The following IQGAP2 variants were observed in gnomAD, a reference collection of about 807,000 sequenced individuals.
IQGAP2 encodes IQ motif containing GTPase activating protein 2, also known as ras GTPase-activating-like protein IQGAP2.
In IQGAP2, 173 loss-of-function variants were observed where a neutral mutation model predicts 201.3. The ratio of observed to expected loss-of-function variants is 0.86; its 90% CI spans 0.76 to 0.98. IQGAP2 has a LOEUF of 0.98. Among genes scored for constraint, IQGAP2 ranks in the 50% least tolerant of loss-of-function variants. The pLI is 0.00. For missense variants in IQGAP2, 1,687 were observed against 1,864.8 expected (o/e 0.90, Z 1.76); for synonymous variants, 675 against 673.9 (o/e 1.00, Z -0.03).
At chr5:76,611,295 C>A in intron 13 of IQGAP2, 112 bp downstream of exon 13, 1 of 713,084 alleles carries the variant, frequency 1.4e-6, no homozygotes, top group Non-Finnish European at 2.3e-6. Context: ...CTTGTCCCAA[C>A]AATTACCCAT....
At chr5:76,408,093 A>G (rs555477923) in intron 1 of IQGAP2, among the ~76,000 whole-genome samples, 3 of 152,278 alleles carry the variant, frequency 2.0e-5, no homozygotes, top group African/African-American at 4.8e-5. Flanking sequence ...CCCGGGAGGC[A>G]GAGGTTGCAA....
chr5:76,596,093 A>G (rs989943390), intron 9 of IQGAP2, among the ~76,000 whole-genome samples: 3 of 152,210 alleles, frequency 2.0e-5, no homozygotes, highest in Admixed American at 1.3e-4. Context: ...TCCATTAATC[A>G]TAAGTATTTC....
chr5:76,703,431 C>T (rs886415210), intron 35 of IQGAP2, among the ~76,000 whole-genome samples: 4 of 152,152 alleles, frequency 2.6e-5, no homozygotes, highest in African/African-American at 9.7e-5. Context: ...GCTGGGATTA[C>T]AGGCATTAGC....
rs10603126 is a variant in IQGAP2, at chr5:76,614,605, C to CTTTTTTTTT, written c.1521+3441_1521+3449dup. Among the ~76,000 whole-genome samples, 18 of 59,610 alleles carry CTTTTTTTTT rather than the reference C, an allele frequency of 3.0e-4. 5 individuals carry two copies. The highest frequency in any genetic ancestry group is 9.3e-4 in the South Asian group (1 of 1,074). 39.1% of individuals were successfully genotyped at this position (59,610 alleles called of 152,430 possible). ...TTAATGTCTTTGTTTTTCCCCTCTG[C>CTTTTTTTTT]TTTTTTTTTTTTTTTTTTTTTTTTT... On this transcript the variant is annotated intron_variant, in intron 13 of 35. Transcript: ENST00000274364.
chr5:76,549,617 G>GT (rs1252933103), intron 2 of IQGAP2, among the ~76,000 whole-genome samples: 3 of 152,082 alleles, frequency 2.0e-5, no homozygotes, highest in African/African-American at 7.2e-5. Flanking sequence ...CTTTCTCACA[G>GT]TTTTGGAGGC....
intron 2 of IQGAP2, among the ~76,000 whole-genome samples, chr5:76,482,965 C>T (rs1408027752): frequency 1.3e-5 from 2 of 152,144 alleles, no homozygotes; most frequent in African/African-American, 4.8e-5. Flanking sequence ...TATATCCCAG[C>T]ATTATGATGT....
At chr5:76,589,581 T>A in intron 6 of IQGAP2, 34 bp from the exon 7 acceptor site, 2 of 1,220,046 alleles carry the variant, frequency 1.6e-6, no homozygotes, top group Non-Finnish European at 2.3e-6. Context: ...TAGCTTTCTC[T>A]GATAATGATT....
Position 76,472,319 on chromosome 5 carries a change from G to A in IQGAP2, c.146+10650G>A, listed in dbSNP as rs998595662. On this transcript the variant is annotated intron_variant, in intron 2 of 35. Transcript: ENST00000274364. Reference sequence around the variant, plus strand: ...TGATCTCCGTGGCACAGGAATAGACGTGATCCCAGCCAGCCCTACCTGCCA... The same window carrying A: ...TGATCTCCGTGGCACAGGAATAGACATGATCCCAGCCAGCCCTACCTGCCA... Among the ~76,000 whole-genome samples the A allele has an allele frequency of 2.6e-5, 4 of 152,208 alleles. No individual in the cohort carries two copies. In the South Asian group the frequency reaches 6.2e-4, roughly 24 times the overall value.
intron 15 of IQGAP2, among the ~76,000 whole-genome samples, chr5:76,636,625 A>T (rs1260124396): frequency 6.6e-6 from 1 of 152,224 alleles, no homozygotes; most frequent in Non-Finnish European, 1.5e-5. Context: ...CCTTGTGGGT[A>T]TCTCCTTATT....
intron 2 of IQGAP2, among the ~76,000 whole-genome samples, chr5:76,504,511 C>A (rs1229438891): frequency 1.3e-5 from 2 of 152,148 alleles, no homozygotes; most frequent in East Asian, 3.8e-4. Flanking sequence ...TAGATGGATG[C>A]AGGTGAGATT....
At chr5:76,699,638 TCTCTCTCTCTCTCTCTCTCTCTCA>T (rs1747107807) in intron 33 of IQGAP2, 2 of 130,912 alleles carry the variant, frequency 1.5e-5, no homozygotes, top group African/African-American at 6.0e-5. Flanking sequence ...TCTCTCTCTC[TCTCTCTCTCTCTCTCTCTCTCTCA>T]CTCTCGTGCT....
At chr5:76,593,469 G>A (rs1288008755) in intron 9 of IQGAP2, among the ~76,000 whole-genome samples, 1 of 152,116 alleles carries the variant, frequency 6.6e-6, no homozygotes, top group Non-Finnish European at 1.5e-5. Flanking sequence ...CCTCTGTGGA[G>A]TCAAGCAGAT....
At chr5:76,680,548 G>T (rs62362983) in intron 28 of IQGAP2, among the ~76,000 whole-genome samples, 3,847 of 152,114 alleles carry the variant, frequency 0.025, 58 homozygotes, top group Non-Finnish European at 0.037. Context: ...GAGGCTAGAC[G>T]TGGTGGCTGA....
chr5:76,488,343 A>T (rs1389676032), intron 2 of IQGAP2, among the ~76,000 whole-genome samples: 1 of 152,196 alleles, frequency 6.6e-6, no homozygotes, highest in Non-Finnish European at 1.5e-5. Context: ...CTAAGGTCAG[A>T]TCCTTCTCTT....
At chr5:76,476,532 AT>A (rs895530986) in intron 2 of IQGAP2, among the ~76,000 whole-genome samples, 1 of 152,188 alleles carries the variant, frequency 6.6e-6, no homozygotes, top group Non-Finnish European at 1.5e-5. Flanking sequence ...AAGTGATAAT[AT>A]AGGAGAATTA....
At chr5:76,582,745 A>G (rs150687107) in intron 5 of IQGAP2, among the ~76,000 whole-genome samples, 6 of 152,188 alleles carry the variant, frequency 3.9e-5, no homozygotes, top group African/African-American at 2.4e-5. Flanking sequence ...GCAGTAATGT[A>G]TGTGACTAAG....
intron 35 of IQGAP2, among the ~76,000 whole-genome samples, chr5:76,706,331 T>C (rs985798655): frequency 6.6e-6 from 1 of 151,682 alleles, no homozygotes; most frequent in Non-Finnish European, 1.5e-5. Flanking sequence ...TTTTTGTTTT[T>C]GTTTTTGTTT....
chr5:76,542,341 C>T (rs537461791), intron 2 of IQGAP2, among the ~76,000 whole-genome samples: 1 of 152,284 alleles, frequency 6.6e-6, no homozygotes, highest in Admixed American at 6.5e-5. Flanking sequence ...TTCAAGAAAT[C>T]CCAAAGGTCA....
chr5:76,597,311 G>T, intron 9 of IQGAP2, 128 bp from the exon 10 acceptor site: 1 of 850,478 alleles, frequency 1.2e-6, no homozygotes. Context: ...CCTACCCTCT[G>T]CCTGCAGCTT....
Sources: gnomAD v4.1 joint callset for allele counts (sites outside exome capture counted in the v4.1 genomes callset) on GRCh38, gnomAD v4.1.1 for gene constraint, MANE v1.5 for transcripts, NCBI Gene and HGNC (gene_info 2026-07-23, HGNC 2026-07-21) for gene names.